TMEM163: variants seen among roughly 807,000 people sequenced by gnomAD.
TMEM163 encodes transmembrane protein 163.
TMEM163 carries 17 observed loss-of-function variants against 29.3 expected under a neutral mutation model. The observed-to-expected ratio is 0.58, with a 90% CI of 0.40 to 0.87. The LOEUF (loss-of-function observed/expected upper bound fraction) is 0.87. Among genes scored for constraint, TMEM163 ranks in the 40% least tolerant of loss-of-function variants. TMEM163 has a pLI of 0.00. For synonymous variants in TMEM163, 157 were observed against 160.6 expected, an observed-to-expected ratio of 0.98 and a Z score of 0.17; for missense variants, 303 against 381.5, an observed-to-expected ratio of 0.79 and a Z score of 1.71.
intron 2 of TMEM163, among the ~76,000 whole-genome samples, chr2:134,670,473 T>C (rs1683969296): frequency 6.6e-6 from 1 of 152,096 alleles, no homozygotes; most frequent in South Asian, 2.1e-4. Flanking sequence ...TCTCCAGCAA[T>C]CTTGCCCTGA....
intron 5 of TMEM163, among the ~76,000 whole-genome samples, chr2:134,498,779 C>A (rs1459832674): frequency 6.6e-6 from 1 of 152,246 alleles, no homozygotes; most frequent in African/African-American, 2.4e-5. Flanking sequence ...CCTGCACATC[C>A]TCCTGCTTTG....
intron 7 of TMEM163, among the ~76,000 whole-genome samples, chr2:134,457,445 TCCTA>T (rs1216427993): frequency 5.9e-5 from 9 of 152,208 alleles, no homozygotes; most frequent in Non-Finnish European, 1.2e-4. Flanking sequence ...ATGATAGCCA[TCCTA>T]CCTTTCCTTG....
intron 2 of TMEM163, among the ~76,000 whole-genome samples, chr2:134,564,081 G>A (rs1303826515): frequency 3.3e-5 from 5 of 152,008 alleles, no homozygotes; most frequent in African/African-American, 1.2e-4. Context: ...GGTGGGCAGG[G>A]AGAATAGCCA....
At chr2:134,572,689 C>T (rs2104786429) in intron 2 of TMEM163, among the ~76,000 whole-genome samples, 1 of 152,316 alleles carries the variant, frequency 6.6e-6, no homozygotes, top group Middle Eastern at 3.4e-3. Flanking sequence ...GCCCTTCCTG[C>T]TGCCTCTTGC....
intron 2 of TMEM163, among the ~76,000 whole-genome samples, chr2:134,630,501 G>A (rs1485277514): frequency 6.6e-6 from 1 of 152,298 alleles, no homozygotes; most frequent in African/African-American, 2.4e-5. Flanking sequence ...CAGGGCGAGA[G>A]GGAAAAGCCC....
At chr2:134,579,313 C>T (rs183678877) in intron 2 of TMEM163, among the ~76,000 whole-genome samples, 2 of 152,288 alleles carry the variant, frequency 1.3e-5, no homozygotes, top group African/African-American at 2.4e-5. Context: ...GTTTTTCTCA[C>T]GCTACAAAAT....
intron 2 of TMEM163, among the ~76,000 whole-genome samples, chr2:134,711,979 T>A (rs538558044): frequency 3.0e-4 from 45 of 152,318 alleles, no homozygotes; most frequent in Middle Eastern, 3.4e-3. Context: ...CCTAGGGACA[T>A]CAATCCAGCT....
At chr2:134,456,846 CA>C (rs1337582481) in intron 7 of TMEM163, 70 bp from the exon 8 acceptor site, 5 of 1,490,842 alleles carry the variant, frequency 3.4e-6, no homozygotes, top group Non-Finnish European at 4.6e-6. Context: ...AGCGTATTTT[CA>C]TTTTTTTTTT....
At chr2:134,651,577 T>C (rs1318451636) in intron 2 of TMEM163, among the ~76,000 whole-genome samples, 1 of 127,056 alleles carries the variant, frequency 7.9e-6, no homozygotes, top group East Asian at 2.1e-4. Flanking sequence ...TTTTGGCTTT[T>C]GTTGCCATTG....
At chr2:134,499,535 C>T (rs576608190) in intron 5 of TMEM163, among the ~76,000 whole-genome samples, 16 of 152,338 alleles carry the variant, frequency 1.1e-4, no homozygotes, top group African/African-American at 3.6e-4. Context: ...ACTGCTCCAG[C>T]AAAACCCTGA....
intron 2 of TMEM163, among the ~76,000 whole-genome samples, chr2:134,712,877 T>C (rs182504577): frequency 3.8e-4 from 58 of 152,238 alleles, no homozygotes; most frequent in African/African-American, 1.3e-3. Flanking sequence ...AGGATATATA[T>C]GTGTCACATG....
chr2:134,634,036 A>G (rs575531054), intron 2 of TMEM163, among the ~76,000 whole-genome samples: 1 of 139,346 alleles, frequency 7.2e-6, no homozygotes, highest in South Asian at 2.6e-4. Flanking sequence ...GACTGTTTTA[A>G]GATGCAAAAG....
At chr2:134,535,923 A>G (rs569350) in intron 4 of TMEM163, among the ~76,000 whole-genome samples, 85,217 of 151,880 alleles carry the variant, frequency 0.56, 24,983 homozygotes, top group East Asian at 0.84. Context: ...GGGTTTCGCC[A>G]TGTTGGCCAG....
intron 2 of TMEM163, among the ~76,000 whole-genome samples, chr2:134,664,775 C>T (rs1219136146): frequency 6.6e-6 from 1 of 152,212 alleles, no homozygotes; most frequent in Non-Finnish European, 1.5e-5. Flanking sequence ...GCAGAAGGAA[C>T]AAACCCTGCT....
rs147415442 is a variant in TMEM163, at chr2:134,713,681, T to C, written c.203-362A>G. On this transcript the variant is annotated intron_variant, in intron 1 of 7. Coordinates refer to ENST00000281924, the MANE Select transcript of TMEM163 (RefSeq NM_030923.5). ...AGATGCTGTTCCTGCCCACAAGACC[T>C]TTCTGTTAGGAAAACAGCACAAACC... is the stretch of plus-strand genomic sequence containing the variant. The C allele has an allele frequency of 1.4e-3, 653 of 467,114 alleles. 7 individuals carry two copies. The highest frequency in any genetic ancestry group is 0.012 in the African/African-American group (603 of 50,634). 28.9% of individuals were successfully genotyped at this position (467,114 alleles called of 1,614,324 possible). A position where few individuals can be genotyped will look rare whatever the true frequency, so the allele number is the denominator to read the frequency against.
intron 2 of TMEM163, among the ~76,000 whole-genome samples, chr2:134,661,314 T>C (rs1157678054): frequency 2.0e-5 from 3 of 152,226 alleles, no homozygotes; most frequent in African/African-American, 7.2e-5. Flanking sequence ...TAAATTTCTG[T>C]TCTTTATAAG....
At chr2:134,611,418 G>A (rs976552405) in intron 2 of TMEM163, among the ~76,000 whole-genome samples, 18 of 152,190 alleles carry the variant, frequency 1.2e-4, no homozygotes, top group Admixed American at 6.5e-4. Context: ...AGTGTTAAAT[G>A]TGCTTTGACA....
chr2:134,689,060 A>C (rs953377088), intron 2 of TMEM163, among the ~76,000 whole-genome samples: 6 of 149,338 alleles, frequency 4.0e-5, no homozygotes, highest in Non-Finnish European at 8.9e-5. Flanking sequence ...AATTAATTTT[A>C]TGTTTCTTTT....
chr2:134,642,319 G>A (rs1051012095), intron 2 of TMEM163, among the ~76,000 whole-genome samples: 1 of 151,996 alleles, frequency 6.6e-6, no homozygotes, highest in Non-Finnish European at 1.5e-5. Flanking sequence ...TAGTAAAGAT[G>A]GGATTTCATC....
Sources: allele counts gnomAD v4.1 joint callset (sites outside exome capture counted in the v4.1 genomes callset), GRCh38; gene constraint gnomAD v4.1.1; transcripts MANE v1.5; gene names NCBI Gene and HGNC (gene_info 2026-07-23, HGNC 2026-07-21).